Variants in PDLIM5 observed in about 807,000 individuals in gnomAD.
PDLIM5 encodes PDZ and LIM domain protein 5.
Under a neutral mutation model 64.2 loss-of-function variants are expected in PDLIM5, and 34 were observed. That is an observed-to-expected ratio of 0.53 (90% confidence interval 0.40 to 0.71). The LOEUF (loss-of-function observed/expected upper bound fraction) is 0.71. PDLIM5 is among the 30% of genes least tolerant of loss of function. PDLIM5 has a pLI of 0.00. For missense variants in PDLIM5, 683 were observed against 733.6 expected, an observed-to-expected ratio of 0.93 and a Z score of 0.80; for synonymous variants, 253 against 269.1, an observed-to-expected ratio of 0.94 and a Z score of 0.59.
At chr4:94,576,223 C>G (rs1049790488) in intron 5 of PDLIM5, among the ~76,000 whole-genome samples, 189 bp downstream of exon 5, 1 of 152,178 alleles carries the variant, frequency 6.6e-6, no homozygotes, top group African/African-American at 2.4e-5. Flanking sequence ...ATCACTTATT[C>G]AAAAGCTACT....
chr4:94,475,392 C>T (rs1234811668), intron 2 of PDLIM5, among the ~76,000 whole-genome samples: 1 of 152,152 alleles, frequency 6.6e-6, no homozygotes, highest in Admixed American at 6.5e-5. Context: ...ATTTAGCAGG[C>T]TCTTTAAGGT....
At chr4:94,659,488 GTGTGTA>G (rs1300075874) in intron 11 of PDLIM5, among the ~76,000 whole-genome samples, 8,430 of 115,364 alleles carry the variant, frequency 0.073, 257 homozygotes, top group South Asian at 0.092. Flanking sequence ...TAGTATATAT[GTGTGTA>G]TGTGTGTGTG....
At chr4:94,469,544 G>T (rs1008655759) in intron 2 of PDLIM5, among the ~76,000 whole-genome samples, 1 of 152,184 alleles carries the variant, frequency 6.6e-6, no homozygotes. Context: ...GAGGAAAGTG[G>T]AGTGAGAATA....
At chr4:94,577,653 C>A (rs1251219828) in intron 5 of PDLIM5, among the ~76,000 whole-genome samples, 1 of 142,740 alleles carries the variant, frequency 7.0e-6, no homozygotes, top group Non-Finnish European at 1.5e-5. Flanking sequence ...GAGTAGATAT[C>A]CTGCAAAGAA....
chr4:94,562,008 G>C (rs536929997), intron 3 of PDLIM5, among the ~76,000 whole-genome samples: 1 of 152,312 alleles, frequency 6.6e-6, no homozygotes, highest in East Asian at 1.9e-4. Context: ...TGTGTTAATT[G>C]TGTTGTTGGT....
At chr4:94,517,059 A>G (rs1460183331) in intron 2 of PDLIM5, among the ~76,000 whole-genome samples, 3 of 152,186 alleles carry the variant, frequency 2.0e-5, no homozygotes, top group African/African-American at 4.8e-5. Context: ...GCTTTAATGC[A>G]TATATGCGGG....
intron 8 of PDLIM5, among the ~76,000 whole-genome samples, chr4:94,628,698 C>T (rs932571859): frequency 2.0e-5 from 3 of 151,982 alleles, no homozygotes; most frequent in South Asian, 2.1e-4. Context: ...ATGTAGCTTT[C>T]GTGTGACTTT....
At chr4:94,633,595 A>G (rs1740324373) in intron 8 of PDLIM5, among the ~76,000 whole-genome samples, 1 of 152,178 alleles carries the variant, frequency 6.6e-6, no homozygotes, top group Admixed American at 6.5e-5. Context: ...CCTTTAGTAG[A>G]AAGACAATAA....
chr4:94,493,928 C>T (rs1429329609), intron 2 of PDLIM5, among the ~76,000 whole-genome samples: 1 of 152,026 alleles, frequency 6.6e-6, no homozygotes, highest in African/African-American at 2.4e-5. Context: ...ATTTTTCTCT[C>T]CCTCTAATAC....
intron 7 of PDLIM5, among the ~76,000 whole-genome samples, chr4:94,606,645 T>C (rs1737948855): frequency 6.6e-6 from 1 of 152,192 alleles, no homozygotes; most frequent in Non-Finnish European, 1.5e-5. Context: ...ACAGACATGA[T>C]GGCATTTGTA....
chr4:94,585,830 C>G (rs1736145790), intron 6 of PDLIM5, 93 bp downstream of exon 6: 2 of 940,902 alleles, frequency 2.1e-6, no homozygotes, highest in African/African-American at 1.6e-5. Flanking sequence ...AAAACAACCC[C>G]GAGACAGTTT....
At chr4:94,658,554 T>C (rs11097432) in intron 11 of PDLIM5, among the ~76,000 whole-genome samples, 35,213 of 152,224 alleles carry the variant, frequency 0.23, 4,450 homozygotes, top group African/African-American at 0.33. Context: ...GTTTTATTGT[T>C]ATTCTACCTT....
intron 5 of PDLIM5, among the ~76,000 whole-genome samples, chr4:94,583,213 C>T (rs1735882195): frequency 6.6e-6 from 1 of 152,040 alleles, no homozygotes; most frequent in Admixed American, 6.6e-5. Flanking sequence ...TGTTTAGAAA[C>T]TTTATATCAT....
chr4:94,588,280 C>T, intron 7 of PDLIM5: 1 of 607,608 alleles, frequency 1.6e-6, no homozygotes, highest in Non-Finnish European at 2.1e-6. Flanking sequence ...TAAAACACGG[C>T]AGGCCAGGTG....
chr4:94,635,735 A>T (rs1251658710), intron 8 of PDLIM5, among the ~76,000 whole-genome samples: 4 of 152,200 alleles, frequency 2.6e-5, no homozygotes, highest in Admixed American at 2.0e-4. Context: ...CCGTAAGCCA[A>T]GTGAGCAGAG....
chr4:94,610,408 T>G, intron 7 of PDLIM5: 9 of 572,552 alleles, frequency 1.6e-5, no homozygotes, highest in Non-Finnish European at 2.3e-5. Flanking sequence ...ATCATAGCTC[T>G]ATTGTGAGCT....
intron 3 of PDLIM5, among the ~76,000 whole-genome samples, chr4:94,549,509 G>T (rs779557096): frequency 6.6e-5 from 10 of 152,134 alleles, no homozygotes; most frequent in Non-Finnish European, 1.2e-4. Context: ...AAAGCATTAA[G>T]AGCAAGCTAA....
chr4:94,615,422 C>T (rs911189128), intron 7 of PDLIM5, among the ~76,000 whole-genome samples: 4 of 150,272 alleles, frequency 2.7e-5, no homozygotes, highest in Non-Finnish European at 2.9e-5. Flanking sequence ...GTGCATGATG[C>T]GTTATTATAT....
intron 7 of PDLIM5, among the ~76,000 whole-genome samples, chr4:94,617,141 C>T (rs1256877016): frequency 6.6e-6 from 1 of 152,126 alleles, no homozygotes; most frequent in Non-Finnish European, 1.5e-5. Flanking sequence ...ATAACCACTG[C>T]TATAGTATTA....
Sources: allele counts gnomAD v4.1 joint callset (sites outside exome capture counted in the v4.1 genomes callset), GRCh38; gene constraint gnomAD v4.1.1; transcripts MANE v1.5; gene names NCBI Gene and HGNC (gene_info 2026-07-23, HGNC 2026-07-21).